The following HPS5 variants were observed in gnomAD, a reference collection of about 807,000 sequenced individuals.
HPS5 encodes HPS5 biogenesis of lysosomal organelles complex 2 subunit 2.
A neutral mutation model predicts 128.0 loss-of-function variants in HPS5; 83 were observed. That is an observed-to-expected ratio of 0.65 (90% CI 0.54 to 0.78). The LOEUF is 0.78. Among genes scored for constraint, HPS5 ranks in the 30% least tolerant of loss-of-function variants. The probability of loss-of-function intolerance (pLI) is 0.00; values close to 1 mark genes in which losing one functional copy is unlikely to be tolerated. For synonymous variants in HPS5, 475 were observed against 470.2 expected, an observed-to-expected ratio of 1.01 and a Z score of -0.13; for missense variants, 1,281 against 1,326.2, an observed-to-expected ratio of 0.97 and a Z score of 0.53.
chr11:18,306,162 A>G lies in HPS5; in HGVS notation c.797T>C (p.Leu266Ser), dbSNP rs1316436833. The G allele has an allele frequency of 1.2e-6, 2 of 1,613,618 alleles. No individual in the cohort carries two copies. Among genetic ancestry groups the G allele is most frequent in the East Asian group, 4.5e-5 (2 of 44,878 alleles). The change falls in exon 7 of 23, where the codon TTG becomes TCG. Residue 266 changes from leucine (L) to serine (S), a missense_variant. Leu to Ser is a moderately radical substitution (Grantham distance 145). Coordinates refer to ENST00000349215, the MANE Select transcript of HPS5 (RefSeq NM_181507.2). ...STHQFKKLLS[L>S]PPLPVITLRS... ...GAGAGTAATCACAGGGAGAGGTGGC[A>G]ACGAGAGGAGTTTCTTGAACTGATG...
intron 16 of HPS5, among the ~76,000 whole-genome samples, chr11:18,288,520 G>A (rs1860013097): frequency 6.6e-6 from 1 of 151,680 alleles, no homozygotes; most frequent in Non-Finnish European, 1.5e-5. Context: ...CAGAAGATTT[G>A]ACTTTTTGGA....
intron 8 of HPS5, among the ~76,000 whole-genome samples, chr11:18,304,154 TTCTC>T (rs2134410710): frequency 6.6e-6 from 1 of 152,184 alleles, no homozygotes; most frequent in Admixed American, 6.5e-5. Context: ...ATAAATGTCT[TTCTC>T]TAGTAACTTT....
chr11:18,285,302 A>C (rs2134230760), intron 20 of HPS5, 44 bp downstream of exon 20: 1 of 1,213,718 alleles, frequency 8.2e-7, no homozygotes, highest in Non-Finnish European at 1.2e-6. Flanking sequence ...GTTAACTGAA[A>C]TGTTTCTAAC....
At chr11:18,280,387 A>T in intron 22 of HPS5, 1 of 569,032 alleles carries the variant, frequency 1.8e-6, no homozygotes, top group Non-Finnish European at 3.1e-6. Context: ...ACAGAAAATG[A>T]CAAGTGTGGG....
intron 5 of HPS5, among the ~76,000 whole-genome samples, 165 bp downstream of exon 5, chr11:18,310,576 C>T (rs375500014): frequency 3.9e-5 from 6 of 152,202 alleles, no homozygotes; most frequent in African/African-American, 1.4e-4. Flanking sequence ...TAACAGGCCA[C>T]CGTGTGTACT....
chr11:18,311,511 A>ATTATTAT (rs1554944989), intron 3 of HPS5, 60 bp from the exon 4 acceptor site: 2 of 530,692 alleles, frequency 3.8e-6, no homozygotes, highest in Non-Finnish European at 5.8e-6. Context: ...TATTATTATT[A>ATTATTAT]TTTTTTTTTT....
Position 18,287,015 on chromosome 11 carries a change from A to G in HPS5, c.2718-305T>C, listed in dbSNP as rs565894346. On this transcript the variant is annotated intron_variant, in intron 18 of 22. Transcript: ENST00000349215. ...GAGGCCATAAGTTTGAGGCTGTAGTATGCTATGATCATACCCGTGAATAGC... is the reference window on the plus strand; with the variant it reads ...GAGGCCATAAGTTTGAGGCTGTAGTGTGCTATGATCATACCCGTGAATAGC... 9.2e-5 allele frequency: 54 copies of G among 584,996 alleles called. 1 individual carries two copies. In the East Asian group the frequency reaches 1.4e-3, roughly 15 times the overall value. 36.2% of individuals were successfully genotyped at this position (584,996 alleles called of 1,614,324 possible). A position where few individuals can be genotyped will look rare whatever the true frequency, so the allele number is the denominator to read the frequency against.
At chr11:18,311,810 C>G (rs761688045) in intron 3 of HPS5, 104 bp downstream of exon 3, 1 of 940,856 alleles carries the variant, frequency 1.1e-6, no homozygotes, top group Non-Finnish European at 1.8e-6. Context: ...CGCACCAAGC[C>G]AAGTTCTACA....
At chr11:18,315,475 T>C (rs1008773899) in intron 2 of HPS5, among the ~76,000 whole-genome samples, 8 of 151,854 alleles carry the variant, frequency 5.3e-5, no homozygotes, top group Non-Finnish European at 1.0e-4. Context: ...TAGCCGGGCG[T>C]GGTGGCAGGT....
intron 18 of HPS5, 23 bp from the exon 19 acceptor site, chr11:18,286,733 A>C (rs778406605): frequency 1.2e-6 from 2 of 1,613,508 alleles, no homozygotes; most frequent in South Asian, 2.2e-5. Context: ...TGGGGAAAAA[A>C]GTCACCAATC....
intron 11 of HPS5, 115 bp from the exon 12 acceptor site, chr11:18,297,099 T>C: frequency 1.3e-6 from 1 of 764,600 alleles, no homozygotes; most frequent in East Asian, 2.7e-5. Flanking sequence ...ACAACCATTA[T>C]GGCTTATTAG....
Position 18,308,838 on chromosome 11 carries a change from G to GA in HPS5, c.611+107dup, listed in dbSNP as rs35952141. 770,825 of 1,096,090 alleles carry GA rather than the reference G, an allele frequency of 0.7. 275,448 individuals carry two copies. Among genetic ancestry groups the GA allele is most frequent in the East Asian group, 0.96 (36,914 of 38,506 alleles). The allele number at this position is 1,096,090 out of a possible 1,614,324, so 67.9% of individuals were successfully genotyped here. A position where few individuals can be genotyped will look rare whatever the true frequency, so the allele number is the denominator to read the frequency against. On this transcript the variant is annotated intron_variant, in intron 6 of 22. Transcript: ENST00000349215. ...CTCAAAAAAAGAAAAAAAAGAAAAA[G>GA]AAAAAAAATCTGTATAACTGATTGA...
Position 18,291,892 on chromosome 11 carries a change from T to G in HPS5, c.1990A>C (p.Asn664His). The change falls in exon 16 of 23, where the codon AAC (asparagine) becomes CAC (histidine). Residue 664 changes from asparagine (N) to histidine (H), a missense_variant. Physicochemically the swap from Asn to His is moderately conservative, Grantham distance 68. Coordinates refer to ENST00000349215, the MANE Select transcript of HPS5 (RefSeq NM_181507.2). ...KDFSGVSDTD[N>H]SSMKLNQDVL... Reference sequence around the variant, plus strand: ...TCCTGGTTCAATTTCATGGATGAGTTGTCAGTATCTGAAACACCTGAAAAG... The same window carrying G: ...TCCTGGTTCAATTTCATGGATGAGTGGTCAGTATCTGAAACACCTGAAAAG... The G allele has an allele frequency of 6.2e-7, 1 of 1,607,802 alleles. No homozygotes were observed.
chr11:18,292,827 A>T, intron 15 of HPS5, 72 bp downstream of exon 15: 1 of 1,120,750 alleles, frequency 8.9e-7, no homozygotes, highest in Non-Finnish European at 1.4e-6. Flanking sequence ...TAAAAAACTT[A>T]CAATATAATG....
chr11:18,295,280 C>G (rs1860922490), intron 13 of HPS5, 111 bp from the exon 14 acceptor site: 2 of 954,860 alleles, frequency 2.1e-6, no homozygotes, highest in Admixed American at 4.1e-5. Context: ...GCAACTTGGA[C>G]TTAGTAAAGA....
In HPS5 at chr11:18,306,188, T is replaced by C. The variant is rs1406540708; in HGVS notation, c.771A>G (p.Thr257=). The change falls in exon 7 of 23, where the codon ACA becomes ACG. Residue 257 remains threonine (T), a synonymous_variant. Coordinates refer to ENST00000349215, the MANE Select transcript of HPS5 (RefSeq NM_181507.2). ...EVNFDGEVIS[T]HQFKKLLSLP... ...ACGAGAGGAGTTTCTTGAACTGATGTGTACTTATAACTTCTCCATCAAAGT... is the reference window on the plus strand; with the variant it reads ...ACGAGAGGAGTTTCTTGAACTGATGCGTACTTATAACTTCTCCATCAAAGT... 6.2e-7 allele frequency: 1 copy of C among 1,614,100 alleles called. No homozygotes were observed. Among genetic ancestry groups the C allele is most frequent in the South Asian group, 1.1e-5 (1 of 91,084 alleles).
chr11:18,296,181 A>C, intron 12 of HPS5, 59 bp from the exon 13 acceptor site: 1 of 1,563,380 alleles, frequency 6.4e-7, no homozygotes, highest in East Asian at 2.3e-5. Flanking sequence ...AGTTGTTTTA[A>C]TCTTTAAAAA....
chr11:18,290,987 G>A (rs1860324233), intron 16 of HPS5, among the ~76,000 whole-genome samples: 1 of 152,248 alleles, frequency 6.6e-6, no homozygotes, highest in Non-Finnish European at 1.5e-5. Context: ...GGGAGGCCAA[G>A]GCAGGTAGAT....
intron 11 of HPS5, among the ~76,000 whole-genome samples, chr11:18,297,320 A>G (rs1861194407): frequency 6.6e-6 from 1 of 152,210 alleles, no homozygotes; most frequent in Admixed American, 6.5e-5. Flanking sequence ...GCTGGGAGCT[A>G]TATGAGTATA....
Sources: allele counts gnomAD v4.1 joint callset (sites outside exome capture counted in the v4.1 genomes callset), GRCh38; gene constraint gnomAD v4.1.1; transcripts MANE v1.5; gene names NCBI Gene and HGNC (gene_info 2026-07-23, HGNC 2026-07-21).